Variants in PTPRT observed in about 807,000 individuals in gnomAD.
PTPRT encodes the protein protein tyrosine phosphatase receptor type T.
PTPRT carries 56 observed loss-of-function variants against 176.8 expected under a neutral mutation model. That is an observed-to-expected ratio of 0.32 (90% CI 0.26 to 0.40). The LOEUF (loss-of-function observed/expected upper bound fraction) is 0.40. Among genes scored for constraint, PTPRT ranks in the 10% least tolerant of loss-of-function variants. The probability of loss-of-function intolerance (pLI) is 1.00; values close to 1 mark genes in which losing one functional copy is unlikely to be tolerated. For synonymous variants in PTPRT, 783 were observed against 739.0 expected (o/e 1.06, Z -0.96); for missense variants, 1,540 against 1,908.2 (o/e 0.81, Z 3.60).
chr20:42,985,953 T>A (rs542018791), intron 1 of PTPRT, among the ~76,000 whole-genome samples: 1 of 152,142 alleles, frequency 6.6e-6, no homozygotes, highest in Non-Finnish European at 1.5e-5. Context: ...ACACAAGGTC[T>A]ACATTTATGA....
intron 7 of PTPRT, among the ~76,000 whole-genome samples, chr20:42,491,528 T>C (rs906657190): frequency 2.0e-5 from 3 of 152,006 alleles, no homozygotes; most frequent in Non-Finnish European, 4.4e-5. Context: ...CCTTTAGGGG[T>C]CCACCTTCAA....
intron 6 of PTPRT, among the ~76,000 whole-genome samples, chr20:42,755,536 C>T (rs1304956637): frequency 1.3e-5 from 2 of 151,610 alleles, no homozygotes; most frequent in African/African-American, 4.8e-5. Context: ...ATGAGTACAT[C>T]CATACACTGC....
At chr20:42,971,352 G>A (rs1478614126) in intron 1 of PTPRT, 1 of 152,128 alleles carries the variant, frequency 6.6e-6, no homozygotes, top group African/African-American at 2.4e-5. Context: ...TGAGAAAAAT[G>A]TTAAAACAGA....
chr20:42,161,633 A>G (rs1989605953), intron 16 of PTPRT, 91 bp from the exon 17 acceptor site: 1 of 1,309,094 alleles, frequency 7.6e-7, no homozygotes, highest in Non-Finnish European at 1.0e-6. Context: ...TGAGGAGGGC[A>G]GAGGGAACCA....
chr20:42,515,815 T>G (rs1245632551), intron 7 of PTPRT, among the ~76,000 whole-genome samples: 1 of 151,430 alleles, frequency 6.6e-6, no homozygotes, highest in East Asian at 1.9e-4. Context: ...GTATGTTTAT[T>G]GCGGCATTAT....
chr20:42,662,938 G>A (rs1476393795), intron 7 of PTPRT, among the ~76,000 whole-genome samples: 6 of 151,772 alleles, frequency 4.0e-5, no homozygotes, highest in East Asian at 1.9e-4. Context: ...ATAAATTTTT[G>A]TGACCCACAG....
At chr20:42,375,952 A>G (rs2058645228) in intron 9 of PTPRT, among the ~76,000 whole-genome samples, 1 of 152,206 alleles carries the variant, frequency 6.6e-6, no homozygotes, top group South Asian at 2.1e-4. Flanking sequence ...ACAAACAAAC[A>G]ACCACCATAA....
chr20:42,981,987 G>T (rs373321594), intron 1 of PTPRT, among the ~76,000 whole-genome samples: 2 of 152,148 alleles, frequency 1.3e-5, no homozygotes, highest in South Asian at 2.1e-4. Flanking sequence ...CAACTAGACC[G>T]AGGGAAGAAG....
At chr20:42,391,029 C>A (rs1292832370) in intron 9 of PTPRT, among the ~76,000 whole-genome samples, 1 of 152,096 alleles carries the variant, frequency 6.6e-6, no homozygotes, top group East Asian at 1.9e-4. Flanking sequence ...AGAATAATAT[C>A]TACTTTTAAG....
At chr20:42,846,188 A>G (rs2078367820) in intron 2 of PTPRT, among the ~76,000 whole-genome samples, 1 of 152,232 alleles carries the variant, frequency 6.6e-6, no homozygotes, top group South Asian at 2.1e-4. Context: ...CAAAAATAAT[A>G]TTCCTGCTGC....
intron 6 of PTPRT, among the ~76,000 whole-genome samples, chr20:42,709,548 G>A (rs950563650): frequency 2.0e-5 from 3 of 152,180 alleles, no homozygotes; most frequent in Non-Finnish European, 4.4e-5. Flanking sequence ...TGTACAGCCT[G>A]TAGAACCATT....
chr20:42,502,181 C>T (rs1368907101), intron 7 of PTPRT, among the ~76,000 whole-genome samples: 1 of 151,860 alleles, frequency 6.6e-6, no homozygotes, highest in African/African-American at 2.4e-5. Context: ...TATATTCATT[C>T]ATCATTAAGT....
intron 2 of PTPRT, among the ~76,000 whole-genome samples, chr20:42,883,754 ATACACATGCACACACAC>A (rs2079051506): frequency 9.3e-4 from 1 of 1,078 alleles, no homozygotes; most frequent in African/African-American, 3.5e-3. Flanking sequence ...ACACATACCC[ATACACATGCACACACAC>A]CCTCCATAAA....
chr20:43,070,093 C>T (rs1287416117), intron 1 of PTPRT, among the ~76,000 whole-genome samples: 3 of 152,164 alleles, frequency 2.0e-5, no homozygotes, highest in Non-Finnish European at 2.9e-5. Context: ...AGAATACTTC[C>T]TTTGTGGGTT....
At chr20:42,585,092 T>A (rs1050757917) in intron 7 of PTPRT, among the ~76,000 whole-genome samples, 1 of 152,156 alleles carries the variant, frequency 6.6e-6, no homozygotes, top group African/African-American at 2.4e-5. Flanking sequence ...AAAAAAATGG[T>A]TACCCTTTAT....
At chr20:42,257,081 G>A (rs2056655034) in intron 13 of PTPRT, among the ~76,000 whole-genome samples, 1 of 152,202 alleles carries the variant, frequency 6.6e-6, no homozygotes, top group African/African-American at 2.4e-5. Context: ...AGTAAAGGAT[G>A]GTTGTGACAC....
chr20:42,254,279 C>T (rs1371999048), intron 13 of PTPRT, among the ~76,000 whole-genome samples: 2 of 152,188 alleles, frequency 1.3e-5, no homozygotes, highest in South Asian at 2.1e-4. Flanking sequence ...AGGCCATGAG[C>T]CTTGCTACTC....
intron 16 of PTPRT, among the ~76,000 whole-genome samples, chr20:42,198,547 T>C (rs1479747493): frequency 6.6e-6 from 1 of 152,228 alleles, no homozygotes; most frequent in Non-Finnish European, 1.5e-5. Flanking sequence ...GAAGCAAGTC[T>C]GTCCACAAGG....
intron 6 of PTPRT, among the ~76,000 whole-genome samples, chr20:42,693,547 G>T (rs184905072): frequency 6.6e-6 from 1 of 152,270 alleles, no homozygotes; most frequent in Non-Finnish European, 1.5e-5. Context: ...ATGGAGGCAA[G>T]AAACAAATCC....
Sources: gnomAD v4.1 joint callset for allele counts (sites outside exome capture counted in the v4.1 genomes callset) on GRCh38, gnomAD v4.1.1 for gene constraint, MANE v1.5 for transcripts, NCBI Gene and HGNC (gene_info 2026-07-23, HGNC 2026-07-21) for gene names.